The following MLLT3 variants were observed in gnomAD, a reference collection of about 807,000 sequenced individuals.
The protein encoded by MLLT3 is MLLT3 super elongation complex subunit, also known as protein AF-9.
A neutral mutation model predicts 53.2 loss-of-function variants in MLLT3; 4 were observed. That is an observed-to-expected ratio of 0.08 (90% CI 0.04 to 0.17). MLLT3 has a LOEUF of 0.17. Among genes scored for constraint, MLLT3 ranks in the 10% least tolerant of loss-of-function variants. The pLI is 1.00. For synonymous variants in MLLT3, 283 were observed against 230.6 expected (o/e 1.23, Z -2.06); for missense variants, 569 against 684.0 (o/e 0.83, Z 1.87).
chr9:20,501,451 C>A (rs904652054), intron 2 of MLLT3, among the ~76,000 whole-genome samples: 1 of 152,118 alleles, frequency 6.6e-6, no homozygotes, highest in Admixed American at 6.5e-5. Flanking sequence ...ACCTAGGAGA[C>A]TCAGTTAAAA....
chr9:20,431,093 T>C (rs1302839872), intron 4 of MLLT3, among the ~76,000 whole-genome samples: 3 of 152,104 alleles, frequency 2.0e-5, no homozygotes, highest in Non-Finnish European at 4.4e-5. Flanking sequence ...GAGATCTCTT[T>C]TACATGCTGA....
chr9:20,409,196 A>C (rs1822661794), intron 5 of MLLT3, among the ~76,000 whole-genome samples: 1 of 152,228 alleles, frequency 6.6e-6, no homozygotes, highest in South Asian at 2.1e-4. Flanking sequence ...AAGTAAGGCA[A>C]GAAAGAGGAA....
intron 2 of MLLT3, among the ~76,000 whole-genome samples, chr9:20,571,004 G>A (rs1480788177): frequency 6.6e-6 from 1 of 152,196 alleles, no homozygotes; most frequent in Non-Finnish European, 1.5e-5. Context: ...GAAGCCATGA[G>A]TAAAACTCTA....
chr9:20,354,633 C>A (rs1234019209), intron 9 of MLLT3, among the ~76,000 whole-genome samples, 175 bp downstream of exon 9: 1 of 152,152 alleles, frequency 6.6e-6, no homozygotes, highest in Non-Finnish European at 1.5e-5. Flanking sequence ...AAGATATAAA[C>A]AACACATGGA....
chr9:20,365,598 T>G, intron 6 of MLLT3, 71 bp downstream of exon 6: 1 of 1,555,194 alleles, frequency 6.4e-7, no homozygotes, highest in South Asian at 1.1e-5. Context: ...TCCACCCGTG[T>G]CAGCCTCCCA....
At chr9:20,351,854 G>A (rs1029337791) in intron 10 of MLLT3, among the ~76,000 whole-genome samples, 5 of 152,172 alleles carry the variant, frequency 3.3e-5, no homozygotes, top group South Asian at 2.1e-4. Context: ...GCAGTAAACC[G>A]TGACAGGACA....
chr9:20,553,413 T>C (rs1223347270), intron 2 of MLLT3, among the ~76,000 whole-genome samples: 5 of 152,150 alleles, frequency 3.3e-5, no homozygotes, highest in African/African-American at 4.8e-5. Context: ...GTGCCAGGCA[T>C]GGTGTTAGGT....
At chr9:20,515,726 A>T (rs541664398) in intron 2 of MLLT3, among the ~76,000 whole-genome samples, 1 of 152,228 alleles carries the variant, frequency 6.6e-6, no homozygotes, top group South Asian at 2.1e-4. Context: ...TGGCAACCAT[A>T]GTAAGTGGCC....
chr9:20,590,253 G>C (rs1334299447), intron 2 of MLLT3, among the ~76,000 whole-genome samples: 1 of 152,084 alleles, frequency 6.6e-6, no homozygotes, highest in African/African-American at 2.4e-5. Context: ...AATGGCAGTT[G>C]TGCCTCCCTA....
At chr9:20,548,244 G>A (rs1279894156) in intron 2 of MLLT3, among the ~76,000 whole-genome samples, 4 of 152,130 alleles carry the variant, frequency 2.6e-5, no homozygotes, top group Admixed American at 2.6e-4. Flanking sequence ...TGCCATATTG[G>A]ACAGCATATG....
intron 8 of MLLT3, among the ~76,000 whole-genome samples, chr9:20,358,096 C>T (rs74629442): frequency 0.014 from 2,173 of 151,518 alleles, 49 homozygotes; most frequent in East Asian, 0.11. Flanking sequence ...TCTCTTATAC[C>T]ATCAACATAG....
chr9:20,346,659 A>G, intron 10 of MLLT3, 85 bp from the exon 11 acceptor site: 1 of 1,316,132 alleles, frequency 7.6e-7, no homozygotes, highest in Non-Finnish European at 1.1e-6. Flanking sequence ...GCGATCAAAT[A>G]TGGAATCAAG....
At chr9:20,540,801 G>A (rs970550747) in intron 2 of MLLT3, among the ~76,000 whole-genome samples, 5 of 152,228 alleles carry the variant, frequency 3.3e-5, no homozygotes, top group Admixed American at 1.3e-4. Flanking sequence ...AATTTCTGCA[G>A]CCAGCTTCAA....
chr9:20,397,435 A>G (rs1822350870), intron 5 of MLLT3, among the ~76,000 whole-genome samples: 1 of 152,110 alleles, frequency 6.6e-6, no homozygotes, highest in Admixed American at 6.6e-5. Context: ...AAGAGTGAGT[A>G]TGCTTTTCAG....
chr9:20,512,216 C>G (rs1279072699), intron 2 of MLLT3, among the ~76,000 whole-genome samples: 1 of 152,186 alleles, frequency 6.6e-6, no homozygotes, highest in African/African-American at 2.4e-5. Context: ...ACAGATGTCT[C>G]CCTATCTGGC....
intron 2 of MLLT3, among the ~76,000 whole-genome samples, chr9:20,521,260 G>A (rs1214619199): frequency 2.6e-5 from 4 of 152,042 alleles, no homozygotes; most frequent in Non-Finnish European, 5.9e-5. Context: ...TAGCAGTGAT[G>A]GGGTTTCGCC....
At position 20,590,797 on chromosome 9, in the gene MLLT3, C is replaced by T. The variant is rs545416318; in HGVS notation, c.193+29857G>A. On this transcript the variant is annotated intron_variant, in intron 2 of 10. Transcript: ENST00000380338. ...GTTATCCAGGCTTGAGTGCAGTGGCCTGATCATCATGCACTGCAGCCTCGA... is the reference window on the plus strand; with the variant it reads ...GTTATCCAGGCTTGAGTGCAGTGGCTTGATCATCATGCACTGCAGCCTCGA... Among the ~76,000 whole-genome samples, 3 of 152,204 alleles carry T rather than the reference C, an allele frequency of 2.0e-5. No individual in the cohort carries two copies. The East Asian group carries it at 5.8e-4, about 29-fold the overall frequency.
At chr9:20,582,732 A>G (rs913679341) in intron 2 of MLLT3, among the ~76,000 whole-genome samples, 1 of 152,202 alleles carries the variant, frequency 6.6e-6, no homozygotes, top group Non-Finnish European at 1.5e-5. Flanking sequence ...AACCCCTGAT[A>G]AACCCATCAG....
intron 2 of MLLT3, among the ~76,000 whole-genome samples, chr9:20,550,161 T>C (rs1021334679): frequency 7.2e-5 from 11 of 152,122 alleles, no homozygotes; most frequent in African/African-American, 1.2e-4. Context: ...CGTAACAAGG[T>C]TGATAATGAA....
Sources: gnomAD v4.1 joint callset for allele counts (sites outside exome capture counted in the v4.1 genomes callset) on GRCh38, gnomAD v4.1.1 for gene constraint, MANE v1.5 for transcripts, NCBI Gene and HGNC (gene_info 2026-07-23, HGNC 2026-07-21) for gene names.